The following CLCN4 variants were observed in gnomAD, a reference collection of about 807,000 sequenced individuals.
CLCN4 encodes the protein Cl-/H+ antiporter 4, also known as H(+)/Cl(-) exchange transporter 4.
A neutral mutation model predicts 41.7 loss-of-function variants in CLCN4; 1 was observed. That is an observed-to-expected ratio of 0.02 (90% CI 0.01 to 0.11). CLCN4 has a LOEUF of 0.11. Ranked by LOEUF, CLCN4 falls within the 10% of genes least tolerant of loss-of-function variation. The pLI is 1.00. For missense variants in CLCN4, 287 were observed against 661.0 expected, an observed-to-expected ratio of 0.43 and a Z score of 6.20; for synonymous variants, 277 against 285.8, an observed-to-expected ratio of 0.97 and a Z score of 0.31.
intron 5 of CLCN4, among the ~76,000 whole-genome samples, chrX:10,197,115 A>G (rs1924115369): frequency 8.9e-6 from 1 of 112,067 alleles, no homozygotes; most frequent in African/African-American, 3.2e-5. Context: ...AGATGGTGGC[A>G]AGAAGCTGAG....
chrX:10,205,470 C>A (rs1199919600), intron 6 of CLCN4, among the ~76,000 whole-genome samples: 4 of 60,332 alleles, frequency 6.6e-5, no homozygotes, highest in African/African-American at 8.2e-5. Flanking sequence ...AAGACTCCAT[C>A]TCAAAAAAAA....
chrX:10,190,743 ACAT>A (rs1283430179), intron 4 of CLCN4, among the ~76,000 whole-genome samples: 2 of 112,223 alleles, frequency 1.8e-5, no homozygotes, highest in African/African-American at 6.5e-5. Context: ...GTACTTCAAA[ACAT>A]CATGTTGTAT....
At chrX:10,198,177 C>T in intron 6 of CLCN4, 116 bp downstream of exon 6, 1 of 698,856 alleles carries the variant, frequency 1.4e-6, no homozygotes, top group Non-Finnish European at 2.1e-6. Context: ...TTAAGTTTCT[C>T]AATAAGACTA....
At chrX:10,159,878 G>A (rs1347082630) in intron 2 of CLCN4, among the ~76,000 whole-genome samples, 1 of 111,210 alleles carries the variant, frequency 9.0e-6, no homozygotes, top group African/African-American at 3.3e-5. Flanking sequence ...TCCACTTTTG[G>A]CTTTGTGACT....
intron 11 of CLCN4, among the ~76,000 whole-genome samples, chrX:10,216,341 G>A (rs1924704391): frequency 8.9e-6 from 1 of 112,126 alleles, no homozygotes; most frequent in South Asian, 3.7e-4. Context: ...CCTAGGCAAC[G>A]TGACTCTCTT....
chrX:10,233,368 C>G, intron 12 of CLCN4, 126 bp from the exon 13 acceptor site: 1 of 507,346 alleles, frequency 2.0e-6, no homozygotes. Context: ...CTCTGCCTAA[C>G]CACAAGGGAG....
intron 12 of CLCN4, among the ~76,000 whole-genome samples, chrX:10,230,088 G>A (rs193099720): frequency 1.6e-4 from 18 of 110,909 alleles, no homozygotes; most frequent in African/African-American, 4.9e-4. Flanking sequence ...TATTTTGCCC[G>A]TTTTTTTGAT....
At chrX:10,199,501 T>C (rs1924181134) in intron 6 of CLCN4, among the ~76,000 whole-genome samples, 1 of 94,726 alleles carries the variant, frequency 1.1e-5, no homozygotes, top group Non-Finnish European at 2.0e-5. Flanking sequence ...TCTGAAGTTG[T>C]AGGGGAAGTT....
intron 2 of CLCN4, among the ~76,000 whole-genome samples, chrX:10,160,216 C>T (rs977898357): frequency 2.7e-5 from 3 of 111,637 alleles, no homozygotes; most frequent in Non-Finnish European, 3.8e-5. Context: ...TATTCTTCTT[C>T]GGGCTCCAAG....
rs781599689 is a variant in CLCN4, at chrX:10,187,535, G to A, written c.165G>A (p.Glu55=). ...RHRKITSKSK[E]SIWEFIKSLL... The stretch of plus-strand genomic sequence containing the variant: ...TCTAGATCACCAGCAAGAGCAAGGA[G>A]TCCATATGGGAGTTCATCAAGAGCC... The change falls in exon 4 of 13, where the codon GAG becomes GAA. Residue 55 remains glutamate, a synonymous_variant. Transcript: ENST00000380833. 3.1e-5 allele frequency: 38 copies of A among 1,206,968 alleles called. No individual in the cohort carries two copies. In the South Asian group the frequency reaches 6.7e-4, roughly 21 times the overall value.
At chrX:10,212,397 T>A in intron 9 of CLCN4, 70 bp from the exon 10 acceptor site, 3 of 1,054,291 alleles carry the variant, frequency 2.8e-6, no homozygotes, top group Non-Finnish European at 3.9e-6. Context: ...GGGGAATGTG[T>A]TTCTTGGGGG....
At chrX:10,212,942 T>C (rs1319553946) in intron 10 of CLCN4, among the ~76,000 whole-genome samples, 2 of 111,698 alleles carry the variant, frequency 1.8e-5, no homozygotes. Context: ...GAAAATGCAT[T>C]GAATACACCT....
intron 2 of CLCN4, among the ~76,000 whole-genome samples, chrX:10,175,513 C>T (rs1432052173): frequency 3.6e-5 from 4 of 111,528 alleles, no homozygotes; most frequent in Non-Finnish European, 7.5e-5. Context: ...AAAAGCAGCT[C>T]GGTAAAGGCT....
chrX:10,166,112 C>T (rs1324911922), intron 2 of CLCN4, among the ~76,000 whole-genome samples: 1 of 111,861 alleles, frequency 8.9e-6, no homozygotes, highest in Admixed American at 9.5e-5. Context: ...GCCAGAAGAG[C>T]GAGGGATTTC....
intron 12 of CLCN4, among the ~76,000 whole-genome samples, chrX:10,230,119 TA>T (rs1348551611): frequency 3.6e-5 from 4 of 112,476 alleles, no homozygotes; most frequent in African/African-American, 1.3e-4. Flanking sequence ...GATTTTTCCC[TA>T]TAGAGTTGTT....
intron 2 of CLCN4, among the ~76,000 whole-genome samples, chrX:10,181,082 G>A (rs1032649362): frequency 4.5e-5 from 5 of 111,190 alleles, no homozygotes; most frequent in Non-Finnish European, 9.4e-5. Flanking sequence ...GATGGGCTGC[G>A]TGCAGTGGCT....
chrX:10,220,749 A>G lies in CLCN4; in HGVS notation c.2064A>G (p.Pro688=). The G allele has an allele frequency of 8.3e-7, 1 of 1,211,686 alleles. No individual in the cohort carries two copies. Among genetic ancestry groups the G allele is most frequent in the Non-Finnish European group, 1.1e-6 (1 of 895,305 alleles). ...EEPPELPANS[P]HPLKLRRILN... ...CCCCCGAGCTGCCGGCCAACAGCCC[A>G]CATCCCCTGAAGCTGCGGCGCATCC... The change falls in exon 12 of 13, where the codon CCA becomes CCG. Residue 688 remains proline, a synonymous_variant. Transcript: ENST00000380833.
chrX:10,198,287 T>C (rs1924150042), intron 6 of CLCN4, among the ~76,000 whole-genome samples: 2 of 112,108 alleles, frequency 1.8e-5, no homozygotes, highest in Admixed American at 1.9e-4. Flanking sequence ...AAGCTGTGAG[T>C]TGAACCCAGT....
At chrX:10,204,963 T>C (rs1485023682) in intron 6 of CLCN4, among the ~76,000 whole-genome samples, 1 of 111,047 alleles carries the variant, frequency 9.0e-6, no homozygotes, top group African/African-American at 3.3e-5. Context: ...TGTGCTGAAT[T>C]GGACGAGTAG....
Sources: gnomAD v4.1 joint callset for allele counts (sites outside exome capture counted in the v4.1 genomes callset) on GRCh38, gnomAD v4.1.1 for gene constraint, MANE v1.5 for transcripts, NCBI Gene and HGNC (gene_info 2026-07-23, HGNC 2026-07-21) for gene names.